ENTREP3: variants seen among roughly 807,000 people sequenced by gnomAD.
ENTREP3 encodes protein ENTREP3.
chr1:155,251,486 C>G, the ENTREP3 span: 3 of 1,598,902 alleles, frequency 1.9e-6, no homozygotes, highest in Non-Finnish European at 8.6e-7. Flanking sequence ...CGCCCCAAGC[C>G]GTGCTGTGCT....
At chr1:155,255,207 A>G in the ENTREP3 span, 1 of 341,944 alleles carries the variant, frequency 2.9e-6, no homozygotes, top group Non-Finnish European at 5.5e-6. This position sits in a 1 kb window ranked among gnomAD's most constrained non-coding sequence, Gnocchi z 5.6. Flanking sequence ...AGGAGTGAGG[A>G]GGGGGCGGCG....
chr1:155,250,482 C>A, the ENTREP3 span: 1 of 1,483,082 alleles, frequency 6.7e-7, no homozygotes, highest in Non-Finnish European at 8.9e-7. The surrounding 1 kb of genome is among the most constrained non-coding windows in gnomAD (Gnocchi z 5.4). Flanking sequence ...CTCGGGGAAG[C>A]AGGGTCCCAC....
At chr1:155,254,507 G>C in the ENTREP3 span, 1 of 1,603,054 alleles carries the variant, frequency 6.2e-7, no homozygotes, top group Non-Finnish European at 8.5e-7. This position sits in a 1 kb window ranked among gnomAD's most constrained non-coding sequence, Gnocchi z 4.4. Context: ...GCTCCTGAGT[G>C]AGCCCCTCAC....
chr1:155,249,221 G>C, the ENTREP3 span, among the ~76,000 whole-genome samples: 1 of 151,762 alleles, frequency 6.6e-6, no homozygotes, highest in Non-Finnish European at 1.5e-5. Flanking sequence ...TCTGTTAGTA[G>C]CTGGAATTAC....
the ENTREP3 span, chr1:155,254,114 T>C: frequency 1.7e-5 from 27 of 1,613,956 alleles, no homozygotes; most frequent in East Asian, 2.2e-5. The surrounding 1 kb of genome is among the most constrained non-coding windows in gnomAD (Gnocchi z 4.4). Flanking sequence ...CTCGGGCCAG[T>C]TGAGCATTCT....
chr1:155,254,837 C>T, the ENTREP3 span: 1 of 1,597,820 alleles, frequency 6.3e-7, no homozygotes, highest in South Asian at 1.1e-5. This position sits in a 1 kb window ranked among gnomAD's most constrained non-coding sequence, Gnocchi z 4.4. Flanking sequence ...GCTGGGCCGG[C>T]TGGTCAGCGA....
At chr1:155,252,020 A>G in the ENTREP3 span, 1 of 751,204 alleles carries the variant, frequency 1.3e-6, no homozygotes, top group Non-Finnish European at 2.0e-6. Flanking sequence ...CCCTGAGAGA[A>G]GCTCTTGTTC....
chr1:155,254,915 C>T, the ENTREP3 span: 4 of 1,509,792 alleles, frequency 2.6e-6, no homozygotes, highest in East Asian at 9.8e-5. This position sits in a 1 kb window ranked among gnomAD's most constrained non-coding sequence, Gnocchi z 4.4. Flanking sequence ...CTCGGCCCTC[C>T]CTGGCACTTG....
At chr1:155,250,427 G>GC in the ENTREP3 span, 1 of 1,483,778 alleles carries the variant, frequency 6.7e-7, no homozygotes, top group Non-Finnish European at 9.0e-7. The surrounding 1 kb of genome is among the most constrained non-coding windows in gnomAD (Gnocchi z 5.4). Context: ...GGGTGGGCGG[G>GC]GCTGCGGCTG....
the ENTREP3 span, chr1:155,250,923 C>T: frequency 1.5e-6 from 2 of 1,319,062 alleles, no homozygotes; most frequent in East Asian, 2.5e-5. The surrounding 1 kb of genome is among the most constrained non-coding windows in gnomAD (Gnocchi z 5.4). Flanking sequence ...GGCCACTGTG[C>T]CTCCAGCTTT....
At chr1:155,254,513 C>G in the ENTREP3 span, 1 of 1,595,040 alleles carries the variant, frequency 6.3e-7, no homozygotes, top group Non-Finnish European at 8.6e-7. This position sits in a 1 kb window ranked among gnomAD's most constrained non-coding sequence, Gnocchi z 4.4. Context: ...GAGTGAGCCC[C>G]TCACCACAGG....
the ENTREP3 span, chr1:155,254,998 G>C: frequency 1.3e-6 from 1 of 780,618 alleles, no homozygotes; most frequent in Non-Finnish European, 2.0e-6. This position sits in a 1 kb window ranked among gnomAD's most constrained non-coding sequence, Gnocchi z 4.4. Flanking sequence ...CCCACCCCCT[G>C]GCTGGGTCCC....
chr1:155,250,927 C>T, the ENTREP3 span: 1 of 1,306,514 alleles, frequency 7.7e-7, no homozygotes, highest in Non-Finnish European at 1.0e-6. The surrounding 1 kb of genome is among the most constrained non-coding windows in gnomAD (Gnocchi z 5.4). Flanking sequence ...ACTGTGCCTC[C>T]AGCTTTATCT....
the ENTREP3 span, chr1:155,254,675 C>A: frequency 1.7e-5 from 28 of 1,609,630 alleles, no homozygotes; most frequent in Non-Finnish European, 2.3e-5. The surrounding 1 kb of genome is among the most constrained non-coding windows in gnomAD (Gnocchi z 4.4). Flanking sequence ...CCAAGACGGG[C>A]AGGACCTCTT....
At chr1:155,250,887 C>T in the ENTREP3 span, 2 of 1,480,124 alleles carry the variant, frequency 1.4e-6, no homozygotes, top group East Asian at 4.9e-5. The surrounding 1 kb of genome is among the most constrained non-coding windows in gnomAD (Gnocchi z 5.4). Flanking sequence ...CAGGCAGTTC[C>T]TCTTCTCCCA....
the ENTREP3 span, chr1:155,254,358 T>C: frequency 1.5e-5 from 24 of 1,607,324 alleles, no homozygotes; most frequent in Non-Finnish European, 2.0e-5. This position sits in a 1 kb window ranked among gnomAD's most constrained non-coding sequence, Gnocchi z 4.4. Context: ...CCTTGCGTGC[T>C]GGGCACCTGC....
At chr1:155,248,843 T>G in the ENTREP3 span, among the ~76,000 whole-genome samples, 1 of 151,684 alleles carries the variant, frequency 6.6e-6, no homozygotes, top group Non-Finnish European at 1.5e-5. Flanking sequence ...GCCTCCCTAG[T>G]AGCTGGGATT....
chr1:155,253,610 C>A, the ENTREP3 span: 27 of 1,598,900 alleles, frequency 1.7e-5, no homozygotes, highest in Admixed American at 4.5e-4. Context: ...GCCCTGGCCC[C>A]TGCTCCCTTC....
the ENTREP3 span, chr1:155,253,633 C>G: frequency 4.3e-6 from 7 of 1,612,910 alleles, no homozygotes; most frequent in Admixed American, 1.0e-4. Flanking sequence ...ACCGTATGCA[C>G]GAGGTCCAGG....
Sources: gnomAD v4.1 joint callset for allele counts (sites outside exome capture counted in the v4.1 genomes callset) on GRCh38, gnomAD v4.1.1 for gene constraint, Gnocchi (gnomAD v3.1) non-coding constraint, MANE v1.5 for transcripts, NCBI Gene and HGNC (gene_info 2026-07-23, HGNC 2026-07-21) for gene names.